The following NPEPL1 variants were observed in gnomAD, a reference collection of about 807,000 sequenced individuals.
NPEPL1 encodes probable aminopeptidase NPEPL1.
Under a neutral mutation model 52.4 loss-of-function variants are expected in NPEPL1, and 45 were observed. The observed-to-expected ratio is 0.86, with a 90% confidence interval of 0.68 to 1.10. The LOEUF (loss-of-function observed/expected upper bound fraction) is 1.10. Among genes scored for constraint, NPEPL1 ranks in the 50% least tolerant of loss-of-function variants. The pLI is 0.00. For synonymous variants in NPEPL1, 360 were observed against 314.7 expected (o/e 1.14, Z -1.52); for missense variants, 696 against 710.9 (o/e 0.98, Z 0.24).
intron 2 of NPEPL1, 39 bp from the exon 3 acceptor site, chr20:58,694,383 G>T (rs781021578): frequency 4.5e-6 from 7 of 1,553,966 alleles, no homozygotes; most frequent in Non-Finnish European, 4.3e-6. Flanking sequence ...CCTGGTGGCG[G>T]CCCTTGCACC....
At chr20:58,695,963 T>C (rs970305698) in intron 3 of NPEPL1, among the ~76,000 whole-genome samples, 1 of 152,118 alleles carries the variant, frequency 6.6e-6, no homozygotes, top group African/African-American at 2.4e-5. Context: ...CTGCCACCTC[T>C]CGGCATCCCC....
chr20:58,698,538 A>G (rs982349703), intron 3 of NPEPL1, 146 bp from the exon 4 acceptor site: 4 of 720,312 alleles, frequency 5.6e-6, no homozygotes, highest in Non-Finnish European at 9.6e-6. Flanking sequence ...AGCGAGAGCC[A>G]TGGTCCCCCT....
At chr20:58,706,546 G>T (rs569475984) in intron 6 of NPEPL1, among the ~76,000 whole-genome samples, 2 of 152,292 alleles carry the variant, frequency 1.3e-5, no homozygotes, top group African/African-American at 2.4e-5. Context: ...CTTCCTCCCT[G>T]CCATAAGCAC....
At chr20:58,701,496 GT>G (rs2084621828) in intron 6 of NPEPL1, among the ~76,000 whole-genome samples, 1 of 152,002 alleles carries the variant, frequency 6.6e-6, no homozygotes, top group South Asian at 2.1e-4. Context: ...CGCAGGGCGG[GT>G]TCCCATGTGC....
chr20:58,703,427 A>AC, intron 6 of NPEPL1: 4 of 979,432 alleles, frequency 4.1e-6, no homozygotes, highest in Non-Finnish European at 4.8e-6. Context: ...CAGATAGTGC[A>AC]CCCCCTACTG....
rs1373151917 is a variant in NPEPL1 at position 58,701,147 on chromosome 20, A to G, written c.811A>G (p.Ile271Val). ...GIVYDTGGLS[I>V]KGKTTMPGMK... is the part of the protein sequence containing the mutation. ...CGTCTATGACACTGGAGGCCTCAGCATCAAAGGGAAGGTGAGGTGCGGGCT... is the reference window on the plus strand; with the variant it reads ...CGTCTATGACACTGGAGGCCTCAGCGTCAAAGGGAAGGTGAGGTGCGGGCT... Residue 271 changes from isoleucine (I) to valine (V), a missense_variant, in exon 6 of 12, where the codon ATC (isoleucine) becomes GTC (valine). Coordinates refer to ENST00000356091, the MANE Select transcript of NPEPL1 (RefSeq NM_024663.4). 6.4e-7 allele frequency: 1 copy of G among 1,568,838 alleles called. No individual in the cohort carries two copies. The highest frequency in any genetic ancestry group is 2.4e-5 in the East Asian group (1 of 41,670).
intron 3 of NPEPL1, 113 bp downstream of exon 3, chr20:58,694,705 CT>C: frequency 8.6e-7 from 1 of 1,158,528 alleles, no homozygotes. Context: ...GGTTCCTGCC[CT>C]TCCCAGGAGC....
At chr20:58,698,809 C>CTGGGG in intron 4 of NPEPL1, 36 bp downstream of exon 4, 1 of 1,573,736 alleles carries the variant, frequency 6.4e-7, no homozygotes, top group Middle Eastern at 1.7e-4. Flanking sequence ...TGGGACCAGG[C>CTGGGG]TGGGGTGGGT....
At chr20:58,704,654 G>A (rs569938370) in intron 6 of NPEPL1, among the ~76,000 whole-genome samples, 12 of 119,802 alleles carry the variant, frequency 1.0e-4, no homozygotes, top group South Asian at 4.9e-4. Flanking sequence ...GGGACCTTGC[G>A]TCTGCTTCCG....
In NPEPL1 at chr20:58,714,105, GCCTC is replaced by G; in HGVS notation, c.1302+13_1302+16del. On this transcript the variant is annotated intron_variant, in intron 10 of 11. Coordinates refer to ENST00000356091, the MANE Select transcript of NPEPL1 (RefSeq NM_024663.4). The stretch of plus-strand genomic sequence containing the variant: ...AGAACTCAGTGGCGGTAGGTTTGGA[GCCTC>G]GAACCTGGAGCCTGCCACATGGGTG... 6.5e-7 allele frequency: 1 copy of G among 1,536,306 alleles called. No individual in the cohort carries two copies. The highest frequency in any genetic ancestry group is 8.7e-7 in the Non-Finnish European group (1 of 1,143,352).
At chr20:58,700,418 C>T (rs1327693300) in intron 5 of NPEPL1, among the ~76,000 whole-genome samples, 1 of 152,208 alleles carries the variant, frequency 6.6e-6, no homozygotes, top group Non-Finnish European at 1.5e-5. Flanking sequence ...GAGGAGGTGG[C>T]ATTTGCTGTG....
In NPEPL1 at chr20:58,713,441, G is replaced by T; in HGVS notation, c.1023G>T (p.Thr341=). 1 of 1,608,960 alleles carries T rather than the reference G, an allele frequency of 6.2e-7. No homozygotes were observed. The highest frequency in any genetic ancestry group is 1.3e-5 in the African/African-American group (1 of 74,980). Residue 341 remains threonine, a synonymous_variant, in exon 9 of 12, where the codon ACG becomes ACT. Coordinates refer to ENST00000356091, the MANE Select transcript of NPEPL1 (RefSeq NM_024663.4). The surrounding 1 kb of genome is among the most constrained non-coding windows in gnomAD (Gnocchi z 4.6). ...YSGKTVEINN[T]DAEGRLVLAD... is the part of the protein sequence containing the mutation. ...CCAGGACGGTGGAAATCAACAACAC[G>T]GATGCCGAGGGCAGGCTGGTGCTGG...
chr20:58,708,861 G>A (rs1012801745), intron 7 of NPEPL1, among the ~76,000 whole-genome samples: 1 of 152,112 alleles, frequency 6.6e-6, no homozygotes, highest in South Asian at 2.1e-4. Context: ...GGGGTGGCAC[G>A]GGGGCAGGGG....
At chr20:58,701,225 G>C in intron 6 of NPEPL1, 67 bp downstream of exon 6, 1 of 734,132 alleles carries the variant, frequency 1.4e-6, no homozygotes, top group South Asian at 4.5e-5. Flanking sequence ...GCAGGGCCCG[G>C]CTCTCCCGGG....
intron 3 of NPEPL1, among the ~76,000 whole-genome samples, chr20:58,697,055 C>A (rs1446687413): frequency 6.6e-6 from 1 of 152,270 alleles, no homozygotes; most frequent in Non-Finnish European, 1.5e-5. Flanking sequence ...CCTGTGGCCT[C>A]ATCCTCTTCT....
chr20:58,714,579 G>C lies in NPEPL1; in HGVS notation c.1322G>C (p.Ser441Thr), dbSNP rs1483728056. The change falls in exon 11 of 12, where the codon AGC (serine) becomes ACC (threonine). Residue 441 changes from serine to threonine, a missense_variant. Transcript: ENST00000356091. ...NSVADRDNSP[S>T]SCAGLFIASH... Reference sequence around the variant, plus strand: ...CCCTAGGACCGAGACAACAGCCCCAGCTCCTGTGCTGGCCTCTTCATCGCC... The same window carrying C: ...CCCTAGGACCGAGACAACAGCCCCACCTCCTGTGCTGGCCTCTTCATCGCC... 6.3e-7 allele frequency: 1 copy of C among 1,588,412 alleles called. No individual in the cohort carries two copies. Among genetic ancestry groups the C allele is most frequent in the Admixed American group, 1.7e-5 (1 of 57,636 alleles).
chr20:58,710,104 T>C lies in NPEPL1; in HGVS notation c.901-2375T>C, dbSNP rs1236281816. Among the ~76,000 whole-genome samples the C allele has an allele frequency of 2.7e-5, 4 of 146,438 alleles. No homozygotes were observed. The East Asian group carries it at 8.0e-4, about 29-fold the overall frequency. On this transcript the variant is annotated intron_variant, in intron 7 of 11. Coordinates refer to ENST00000356091, the MANE Select transcript of NPEPL1 (RefSeq NM_024663.4). ...CCCAGGCTGGTGTGCAGTGGTGCGATCTCGGCTCACTGCAACGCCTCCCAG... is the reference window on the plus strand; with the variant it reads ...CCCAGGCTGGTGTGCAGTGGTGCGACCTCGGCTCACTGCAACGCCTCCCAG...
chr20:58,704,887 G>A (rs984725543), intron 6 of NPEPL1, among the ~76,000 whole-genome samples: 3 of 152,208 alleles, frequency 2.0e-5, no homozygotes, highest in Non-Finnish European at 4.4e-5. Flanking sequence ...GGGCTCTGTG[G>A]CAGTTAAATC....
chr20:58,712,486 A>G lies in NPEPL1; in HGVS notation c.908A>G (p.Lys303Arg), dbSNP rs8116292. The change falls in exon 8 of 12, where the codon AAA becomes AGA. Residue 303 changes from lysine to arginine, a missense_variant. Transcript: ENST00000356091. Reference protein sequence around the residue: ...AFRAAIKQGFKDNLHAVFCLA... With the variant: ...AFRAAIKQGFRDNLHAVFCLA... ...GCCCACTTCTCCCTCCAGGGTTTCAAAGACAACCTCCACGCTGTGTTCTGC... is the reference window on the plus strand; with the variant it reads ...GCCCACTTCTCCCTCCAGGGTTTCAGAGACAACCTCCACGCTGTGTTCTGC... 5.8e-3 allele frequency: 9,374 copies of G among 1,611,726 alleles called. 445 individuals carry two copies. The African/African-American group carries it at 0.11, about 18-fold the overall frequency.
Sources: allele counts gnomAD v4.1 joint callset (sites outside exome capture counted in the v4.1 genomes callset), GRCh38; gene constraint gnomAD v4.1.1; non-coding constraint Gnocchi (gnomAD v3.1); transcripts MANE v1.5; gene names NCBI Gene and HGNC (gene_info 2026-07-23, HGNC 2026-07-21).